CNOT11: variants seen among roughly 807,000 people sequenced by gnomAD.
CNOT11 encodes the protein CCR4-NOT transcription complex subunit 11, also known as UPF0760 protein C2orf29.
CNOT11 carries 18 observed loss-of-function variants against 44.6 expected under a neutral mutation model. That is an observed-to-expected ratio of 0.40 (90% confidence interval 0.28 to 0.60). The LOEUF (loss-of-function observed/expected upper bound fraction) is 0.60, where lower values mean the gene tolerates loss of function less well. Among genes scored for constraint, CNOT11 ranks in the 20% least tolerant of loss-of-function variants. The pLI is 0.38. For missense variants in CNOT11, 513 were observed against 677.0 expected, an observed-to-expected ratio of 0.76 and a Z score of 2.69; for synonymous variants, 291 against 270.9, an observed-to-expected ratio of 1.07 and a Z score of -0.73.
At chr2:101,256,744 C>A (rs1405340438) in intron 1 of CNOT11, among the ~76,000 whole-genome samples, 1 of 152,192 alleles carries the variant, frequency 6.6e-6, no homozygotes, top group Non-Finnish European at 1.5e-5. Context: ...GGAATTGAGG[C>A]ACTTTAGAAA....
chr2:101,268,221 T>G (rs916193973), intron 5 of CNOT11, among the ~76,000 whole-genome samples: 5 of 152,182 alleles, frequency 3.3e-5, no homozygotes, highest in Non-Finnish European at 4.4e-5. Context: ...GTTCCAGTCT[T>G]TCCCCTACTG....
chr2:101,260,863 T>C (rs1027439923), intron 2 of CNOT11, among the ~76,000 whole-genome samples: 1 of 152,076 alleles, frequency 6.6e-6, no homozygotes, highest in Non-Finnish European at 1.5e-5. Context: ...TAATATGTTA[T>C]CTAACTTTTT....
At position 101,266,698 on chromosome 2, in the gene CNOT11, G is replaced by A. The variant is rs757991901; in HGVS notation, c.1057G>A (p.Asp353Asn). ...TTAGCTACTTGGTGAGTTGGAAAAA[G>A]ACCCCAAACTTGTCTACCATATTGG... ...QTQLLGELEK[D>N]PKLVYHIGLT... Residue 353 changes from aspartate to asparagine, a missense_variant, in exon 5 of 7, where the codon GAC (aspartate) becomes AAC (asparagine). By Grantham distance (23) the Asp-to-Asn change is conservative (BLOSUM62 1). Transcript: ENST00000289382. 6.2e-7 allele frequency: 1 copy of A among 1,614,026 alleles called. No individual in the cohort carries two copies. Among genetic ancestry groups the A allele is most frequent in the East Asian group, 2.2e-5 (1 of 44,864 alleles).
chr2:101,257,809 C>G lies in CNOT11; in HGVS notation c.533C>G (p.Thr178Ser), dbSNP rs915627922. The change falls in exon 2 of 7, where the codon ACT (threonine) becomes AGT (serine). Residue 178 changes from threonine (T) to serine (S), a missense_variant. By Grantham distance (58) the Thr-to-Ser change is moderately conservative (BLOSUM62 1). Around this residue, in one of 4 missense-constraint regions of CNOT11, gnomAD observed 259 missense variants for 265.7 expected, o/e 0.97. Transcript: ENST00000289382. Reference protein sequence around the residue: ...PPLSGFLPPITPPEKFFLSQL... With the variant: ...PPLSGFLPPISPPEKFFLSQL... ...TTTGCAGGATTTTTACCTCCTATAA[C>G]TCCACCAGAAAAGTTTTTTCTTTCC... 1.9e-6 allele frequency: 3 copies of G among 1,613,586 alleles called. No homozygotes were observed. Among genetic ancestry groups the G allele is most frequent in the African/African-American group, 2.7e-5 (2 of 75,000 alleles).
intron 2 of CNOT11, among the ~76,000 whole-genome samples, chr2:101,259,488 G>GGA (rs1446029648): frequency 2.0e-5 from 3 of 152,208 alleles, no homozygotes; most frequent in African/African-American, 7.2e-5. Context: ...AAGGAGTAGA[G>GGA]GAGGCACTTT....
chr2:101,266,576 C>A, intron 4 of CNOT11, 101 bp from the exon 5 acceptor site: 2 of 866,294 alleles, frequency 2.3e-6, no homozygotes, highest in South Asian at 1.5e-5. Flanking sequence ...AGTTTTGTAG[C>A]TTTTTGTATA....
chr2:101,269,083 T>G lies in CNOT11; in HGVS notation c.1282T>G (p.Tyr428Asp). ...TCTACCTCCTGAATTTATTCACCTT[T>G]ATATATCAAATTGCATCTCTACTTG... ...VDLPPEFIHL[Y>D]ISNCISTCEQ... The change falls in exon 6 of 7, where the codon TAT becomes GAT. Residue 428 changes from tyrosine to aspartate, a missense_variant. Physicochemically the swap from Tyr to Asp is radical, Grantham distance 160 (BLOSUM62 -3). Transcript: ENST00000289382. This position sits in a 1 kb window ranked among gnomAD's most constrained non-coding sequence, Gnocchi z 4.8. 6.2e-7 allele frequency: 1 copy of G among 1,610,912 alleles called. No homozygotes were observed. Among genetic ancestry groups the G allele is most frequent in the Non-Finnish European group, 8.5e-7 (1 of 1,177,866 alleles).
intron 2 of CNOT11, 183 bp from the exon 3 acceptor site, chr2:101,262,356 C>G (rs1472632067): frequency 1.9e-5 from 10 of 537,668 alleles, no homozygotes; most frequent in Non-Finnish European, 3.4e-5. Context: ...GTGGCAGATT[C>G]CAAGAACCTT....
chr2:101,269,270 A>C lies in CNOT11; in HGVS notation c.1390A>C (p.Ile464Leu). The C allele has an allele frequency of 6.2e-7, 1 of 1,614,022 alleles. No individual in the cohort carries two copies. Among genetic ancestry groups the C allele is most frequent in the Non-Finnish European group, 8.5e-7 (1 of 1,179,998 alleles). The change falls in exon 7 of 7, where the codon ATT (isoleucine) becomes CTT (leucine). Residue 464 changes from isoleucine (I) to leucine (L), a missense_variant. By Grantham distance (5) the Ile-to-Leu change is conservative. Transcript: ENST00000289382. This position sits in a 1 kb window ranked among gnomAD's most constrained non-coding sequence, Gnocchi z 4.8. The part of the protein sequence containing the change: ...VFLQSLIRNK[I>L]INVQDLFIEV... ...TCTCCAATCCTTGATCCGTAACAAA[A>C]TTATTAATGTACAGGATTTGTTTAT... is the stretch of plus-strand genomic sequence containing the variant.
intron 2 of CNOT11, among the ~76,000 whole-genome samples, chr2:101,261,514 G>A (rs367853567): frequency 3.2e-4 from 48 of 152,242 alleles, no homozygotes; most frequent in Admixed American, 9.8e-4. Flanking sequence ...ATTCTGGGGC[G>A]CGTGTGAAAG....
chr2:101,264,696 C>G, intron 3 of CNOT11, 149 bp from the exon 4 acceptor site: 1 of 638,820 alleles, frequency 1.6e-6, no homozygotes, highest in Non-Finnish European at 2.8e-6. Flanking sequence ...CTTCCTGTGT[C>G]ATTCCTGCTT....
chr2:101,254,834 G>C (rs1681703147), intron 1 of CNOT11, among the ~76,000 whole-genome samples: 1 of 151,956 alleles, frequency 6.6e-6, no homozygotes, highest in African/African-American at 2.4e-5. Context: ...GGAGTTTGAG[G>C]CTGCAGTGAG....
At chr2:101,266,115 A>G (rs913040857) in intron 4 of CNOT11, among the ~76,000 whole-genome samples, 14 of 152,192 alleles carry the variant, frequency 9.2e-5, no homozygotes, top group African/African-American at 3.1e-4. Context: ...AAGTCCTTTG[A>G]GGATACCTGT....
chr2:101,254,168 A>T (rs73943443), intron 1 of CNOT11, among the ~76,000 whole-genome samples: 1 of 152,070 alleles, frequency 6.6e-6, no homozygotes, highest in Non-Finnish European at 1.5e-5. Flanking sequence ...CTTTATGTGG[A>T]TTTGCTTTGC....
chr2:101,268,820 C>T (rs1011954679), intron 5 of CNOT11, among the ~76,000 whole-genome samples: 7 of 151,910 alleles, frequency 4.6e-5, no homozygotes, highest in African/African-American at 7.3e-5. Context: ...AAAATAATTG[C>T]GATATGTAAA....
chr2:101,265,851 G>T (rs1324311670), intron 4 of CNOT11, among the ~76,000 whole-genome samples: 1 of 152,120 alleles, frequency 6.6e-6, no homozygotes, highest in African/African-American at 2.4e-5. Context: ...CTCAGGAAAG[G>T]CAAGGCCACT....
At chr2:101,255,107 G>T (rs142582312) in intron 1 of CNOT11, among the ~76,000 whole-genome samples, 1 of 152,324 alleles carries the variant, frequency 6.6e-6, no homozygotes, top group East Asian at 1.9e-4. Flanking sequence ...TCCATGGATG[G>T]ATTATATTTA....
In CNOT11 at chr2:101,268,205, C is replaced by G. The variant is rs749500039; in HGVS notation, c.1239-835C>G. Among the ~76,000 whole-genome samples, 115 of 55,334 alleles carry G rather than the reference C, an allele frequency of 2.1e-3. 2 individuals are homozygous for G. The highest frequency in any genetic ancestry group is 6.3e-4 in the Admixed American group (3 of 4,730). 36.3% of individuals were successfully genotyped at this position (55,334 alleles called of 152,430 possible). A position where few individuals can be genotyped will look rare whatever the true frequency, so the allele number is the denominator to read the frequency against. ...AAACGTGCTGCTGCACATCTCCCCC[C>G]TCTTTGTTCCAGTCTTTCCCCTACT... is the stretch of plus-strand genomic sequence containing the variant. On this transcript the variant is annotated intron_variant, in intron 5 of 6. Transcript: ENST00000289382.
chr2:101,268,889 T>A, intron 5 of CNOT11, 151 bp from the exon 6 acceptor site: 1 of 586,714 alleles, frequency 1.7e-6, no homozygotes, highest in East Asian at 2.8e-5. Flanking sequence ...GGCTCTTAGG[T>A]TAATTTGCCC....
Sources: gnomAD v4.1 joint callset for allele counts (sites outside exome capture counted in the v4.1 genomes callset) on GRCh38, gnomAD v4.1.1 for gene constraint, gnomAD v4.1.1 regional missense constraint, Gnocchi (gnomAD v3.1) non-coding constraint, MANE v1.5 for transcripts, NCBI Gene and HGNC (gene_info 2026-07-23, HGNC 2026-07-21) for gene names.